The following SLC67A2 variants were observed in gnomAD, a reference collection of about 807,000 sequenced individuals.
SLC67A2 encodes solute carrier family 67 member A2.
At chr2:102,729,442 C>A in the SLC67A2 span, among the ~76,000 whole-genome samples, 1 of 152,164 alleles carries the variant, frequency 6.6e-6, no homozygotes, top group East Asian at 1.9e-4. Context: ...ATAGCTCTAA[C>A]AGATACACAC....
At chr2:102,722,851 GC>G in the SLC67A2 span, among the ~76,000 whole-genome samples, 1 of 152,090 alleles carries the variant, frequency 6.6e-6, no homozygotes, top group Non-Finnish European at 1.5e-5. Flanking sequence ...AATCTGCAAA[GC>G]AAAAAGTAAC....
At chr2:102,717,296 G>C in the SLC67A2 span, 1 of 152,468 alleles carries the variant, frequency 6.6e-6, no homozygotes, top group East Asian at 1.9e-4. Flanking sequence ...GCCTCCCAAA[G>C]TGCTGGGATT....
the SLC67A2 span, among the ~76,000 whole-genome samples, chr2:102,714,998 T>G: frequency 2.6e-5 from 4 of 152,144 alleles, no homozygotes; most frequent in African/African-American, 9.7e-5. Flanking sequence ...CCCTTTGAAA[T>G]TCCTCAAAGC....
the SLC67A2 span, chr2:102,732,383 C>T: frequency 3.7e-6 from 6 of 1,612,968 alleles, no homozygotes; most frequent in Non-Finnish European, 4.2e-6. Flanking sequence ...TCAATAAAGG[C>T]ACAACCATGC....
chr2:102,726,943 G>T, the SLC67A2 span: 3 of 1,613,380 alleles, frequency 1.9e-6, no homozygotes, highest in Non-Finnish European at 2.5e-6. Context: ...CAGCAAGGAA[G>T]ACCGTCTTCC....
chr2:102,727,032 C>A, the SLC67A2 span: 1 of 1,574,374 alleles, frequency 6.4e-7, no homozygotes, highest in Non-Finnish European at 8.6e-7. Flanking sequence ...TACCACCATG[C>A]AAATGACCAA....
the SLC67A2 span, among the ~76,000 whole-genome samples, chr2:102,720,503 C>G: frequency 6.6e-6 from 1 of 152,188 alleles, no homozygotes; most frequent in South Asian, 2.1e-4. Flanking sequence ...TTCCAATATT[C>G]ATGGAGTTCG....
At chr2:102,735,462 G>T in the SLC67A2 span, among the ~76,000 whole-genome samples, 2 of 152,142 alleles carry the variant, frequency 1.3e-5, no homozygotes, top group East Asian at 3.9e-4. Context: ...GGCAGAAAAC[G>T]ATGACTCCCT....
chr2:102,730,998 TG>T, the SLC67A2 span: 1 of 1,608,838 alleles, frequency 6.2e-7, no homozygotes, highest in Admixed American at 1.7e-5. Flanking sequence ...ACATCTGTGA[TG>T]GATGAGACAT....
At chr2:102,723,983 A>AC in the SLC67A2 span, 1 of 1,273,480 alleles carries the variant, frequency 7.9e-7, no homozygotes, top group South Asian at 1.2e-5. Context: ...CCTGTGCTTA[A>AC]CCTCTATCCC....
At chr2:102,726,122 C>T in the SLC67A2 span, among the ~76,000 whole-genome samples, 1 of 152,182 alleles carries the variant, frequency 6.6e-6, no homozygotes, top group Non-Finnish European at 1.5e-5. Flanking sequence ...TCCAGACGAG[C>T]CTGGAAACAG....
chr2:102,731,397 C>T, the SLC67A2 span, among the ~76,000 whole-genome samples: 2 of 152,010 alleles, frequency 1.3e-5, no homozygotes, highest in African/African-American at 2.4e-5. Context: ...TATGAAACAG[C>T]ATAGAGAGTA....
chr2:102,724,012 T>C, the SLC67A2 span: 2 of 979,902 alleles, frequency 2.0e-6, no homozygotes, highest in South Asian at 1.4e-5. Context: ...TTCTGATCTC[T>C]GGTTTCTTTG....
At chr2:102,728,978 C>T in the SLC67A2 span, among the ~76,000 whole-genome samples, 19 of 152,236 alleles carry the variant, frequency 1.2e-4, no homozygotes, top group African/African-American at 4.6e-4. Flanking sequence ...ATAAGTGGAT[C>T]ATTTTTTATT....
chr2:102,726,140 G>C, the SLC67A2 span, among the ~76,000 whole-genome samples: 2 of 152,150 alleles, frequency 1.3e-5, no homozygotes, highest in Non-Finnish European at 2.9e-5. Context: ...CAGCAAACTC[G>C]CCCACAAGCT....
the SLC67A2 span, among the ~76,000 whole-genome samples, chr2:102,728,440 T>C: frequency 1.3e-5 from 2 of 152,200 alleles, no homozygotes; most frequent in Non-Finnish European, 2.9e-5. Context: ...CCTCTCCCCA[T>C]TTTTATTGAT....
At chr2:102,723,197 G>A in the SLC67A2 span, among the ~76,000 whole-genome samples, 3 of 152,226 alleles carry the variant, frequency 2.0e-5, no homozygotes, top group South Asian at 2.1e-4. Flanking sequence ...TGGGCTGGGC[G>A]CAGTGGCTCG....
At chr2:102,736,520 A>AG in the SLC67A2 span, 3 of 1,592,308 alleles carry the variant, frequency 1.9e-6, no homozygotes, top group East Asian at 6.8e-5. Context: ...ATAGGTAGTG[A>AG]GGCACTCACC....
At chr2:102,715,288 C>G in the SLC67A2 span, among the ~76,000 whole-genome samples, 1 of 152,204 alleles carries the variant, frequency 6.6e-6, no homozygotes, top group South Asian at 2.1e-4. Flanking sequence ...CCGAGCATGG[C>G]AGCCGAATCC....
Sources: gnomAD v4.1 joint callset for allele counts (sites outside exome capture counted in the v4.1 genomes callset) on GRCh38, gnomAD v4.1.1 for gene constraint, MANE v1.5 for transcripts, NCBI Gene and HGNC (gene_info 2026-07-23, HGNC 2026-07-21) for gene names.